Variants in PARVA observed in about 807,000 individuals in gnomAD.
The protein encoded by PARVA is parvin alpha, also known as alpha-parvin.
Under a neutral mutation model 52.6 loss-of-function variants are expected in PARVA, and 25 were observed. The observed-to-expected ratio is 0.48, with a 90% CI of 0.35 to 0.66. The LOEUF is 0.66. Among genes scored for constraint, PARVA ranks in the 30% least tolerant of loss-of-function variants. The pLI is 0.01. For synonymous variants in PARVA, 185 were observed against 179.1 expected, an observed-to-expected ratio of 1.03 and a Z score of -0.26; for missense variants, 373 against 450.9, an observed-to-expected ratio of 0.83 and a Z score of 1.56.
chr11:12,524,297 T>G (rs761669993), intron 12 of PARVA, among the ~76,000 whole-genome samples: 3 of 152,222 alleles, frequency 2.0e-5, no homozygotes, highest in Non-Finnish European at 2.9e-5. Context: ...GAAAACTGAT[T>G]CAGAGAATTT....
intron 1 of PARVA, among the ~76,000 whole-genome samples, chr11:12,473,361 A>G (rs1345431864): frequency 8.5e-5 from 13 of 152,216 alleles, no homozygotes; most frequent in Non-Finnish European, 2.9e-5. Flanking sequence ...TCATCCTGTC[A>G]GCACACAGTC....
chr11:12,388,692 A>AT (rs1295979796), intron 1 of PARVA, among the ~76,000 whole-genome samples: 2 of 151,738 alleles, frequency 1.3e-5, no homozygotes, highest in Non-Finnish European at 2.9e-5. Context: ...CTTTATTATA[A>AT]TTTTTTTCTT....
At chr11:12,396,898 CTT>C (rs1939754787) in intron 1 of PARVA, among the ~76,000 whole-genome samples, 1 of 142,756 alleles carries the variant, frequency 7.0e-6, no homozygotes. Flanking sequence ...TTCTTCCTTT[CTT>C]CCTTTCTCCT....
chr11:12,501,056 C>T (rs1432888166), intron 5 of PARVA, among the ~76,000 whole-genome samples: 3 of 150,704 alleles, frequency 2.0e-5, no homozygotes, highest in Non-Finnish European at 4.4e-5. Flanking sequence ...TGCAGTGAGA[C>T]GAGATCTAGT....
At chr11:12,456,681 G>C (rs576031746) in intron 1 of PARVA, among the ~76,000 whole-genome samples, 1 of 151,956 alleles carries the variant, frequency 6.6e-6, no homozygotes, top group South Asian at 2.1e-4. Flanking sequence ...TGTATGTCTT[G>C]TTCCCTCTTC....
chr11:12,413,679 T>C (rs1020995388), intron 1 of PARVA, among the ~76,000 whole-genome samples: 1 of 152,152 alleles, frequency 6.6e-6, no homozygotes, highest in Non-Finnish European at 1.5e-5. Context: ...TTAACCTCAG[T>C]AGTCAGGTGA....
intron 5 of PARVA, among the ~76,000 whole-genome samples, chr11:12,499,745 T>A (rs1384418632): frequency 6.6e-6 from 1 of 152,252 alleles, no homozygotes; most frequent in Admixed American, 6.5e-5. Flanking sequence ...ACCGTGAACA[T>A]TGTGCTGTGT....
chr11:12,490,043 C>A (rs985845176), intron 4 of PARVA, among the ~76,000 whole-genome samples: 1 of 151,790 alleles, frequency 6.6e-6, no homozygotes, highest in Non-Finnish European at 1.5e-5. Flanking sequence ...GGTGAAACCC[C>A]GTCTCTATGA....
intron 3 of PARVA, among the ~76,000 whole-genome samples, chr11:12,474,365 C>A (rs1445210664): frequency 2.6e-5 from 4 of 151,972 alleles, no homozygotes; most frequent in African/African-American, 9.7e-5. Flanking sequence ...AAGCCAGATG[C>A]TTTGTTTATG....
At chr11:12,407,359 C>A (rs1310007475) in intron 1 of PARVA, among the ~76,000 whole-genome samples, 1 of 152,116 alleles carries the variant, frequency 6.6e-6, no homozygotes, top group African/African-American at 2.4e-5. Context: ...CTACTGTAGG[C>A]ATCATAGATA....
chr11:12,480,703 T>A (rs1326099678), intron 4 of PARVA: 1 of 151,980 alleles, frequency 6.6e-6, no homozygotes, highest in African/African-American at 2.4e-5. Flanking sequence ...TGATGCTTCT[T>A]TTGTGAACTT....
At position 12,534,043 on chromosome 11, in the gene PARVA, C is replaced by G. The variant is rs944773702; in HGVS notation, c.*6118C>G. ...ATTAGCCAGGTGTGGTGGTGCGTGC[C>G]TGTAATCCCAGCTACTCAGGGGGCT... On this transcript the variant is annotated 3_prime_UTR_variant, in exon 13 of 13. Transcript: ENST00000334956. Among the ~76,000 whole-genome samples the G allele has an allele frequency of 3.3e-5, 5 of 152,100 alleles. No individual in the cohort carries two copies. Among genetic ancestry groups the G allele is most frequent in the African/African-American group, 1.2e-4 (5 of 41,400 alleles).
chr11:12,441,305 A>C (rs185253279), intron 1 of PARVA, among the ~76,000 whole-genome samples: 3 of 152,278 alleles, frequency 2.0e-5, no homozygotes, highest in South Asian at 2.1e-4. Flanking sequence ...TCAGATGCCA[A>C]AAATAATGAA....
At chr11:12,425,376 T>G (rs1424020922) in intron 1 of PARVA, among the ~76,000 whole-genome samples, 2 of 152,214 alleles carry the variant, frequency 1.3e-5, no homozygotes, top group East Asian at 3.8e-4. Flanking sequence ...ATTGGATTCC[T>G]CAAGGCCTTC....
intron 12 of PARVA, among the ~76,000 whole-genome samples, chr11:12,526,219 TA>T (rs1165039134): frequency 1.4e-5 from 2 of 146,082 alleles, no homozygotes; most frequent in Admixed American, 6.9e-5. Context: ...GCTATTGAAA[TA>T]AAAAATAAAA....
In PARVA at chr11:12,394,519, C is replaced by A. The variant is rs987762814; in HGVS notation, c.136+16736C>A. On this transcript the variant is annotated intron_variant, in intron 1 of 12. Transcript: ENST00000334956. ...CATACTGAAATGTTTGTGGATGACACAATGAAATGTCTAGGATTTGCATCA... is the reference window on the plus strand; with the variant it reads ...CATACTGAAATGTTTGTGGATGACAAAATGAAATGTCTAGGATTTGCATCA... 7.2e-5 allele frequency among the ~76,000 whole-genome samples: 11 copies of A among 152,210 alleles called. No homozygotes were observed. The South Asian group carries it at 1.7e-3, about 23-fold the overall frequency.
intron 7 of PARVA, among the ~76,000 whole-genome samples, chr11:12,510,760 G>A (rs1236661341): frequency 6.6e-6 from 1 of 152,098 alleles, no homozygotes; most frequent in Non-Finnish European, 1.5e-5. Context: ...GAATAGTATG[G>A]GAAAGACCAG....
intron 1 of PARVA, among the ~76,000 whole-genome samples, chr11:12,458,273 G>A (rs986935972): frequency 1.3e-5 from 2 of 152,202 alleles, no homozygotes; most frequent in African/African-American, 4.8e-5. Context: ...TCGGCGCAGG[G>A]CCTGGCCCCA....
chr11:12,404,288 A>G (rs1177855789), intron 1 of PARVA, among the ~76,000 whole-genome samples: 1 of 152,192 alleles, frequency 6.6e-6, no homozygotes, highest in African/African-American at 2.4e-5. Context: ...ACCAGTGCTT[A>G]GGAATGAAAG....
Sources: allele counts gnomAD v4.1 joint callset (sites outside exome capture counted in the v4.1 genomes callset), GRCh38; gene constraint gnomAD v4.1.1; transcripts MANE v1.5; gene names NCBI Gene and HGNC (gene_info 2026-07-23, HGNC 2026-07-21).